Variants in TMPRSS11D observed in about 807,000 individuals in gnomAD.
TMPRSS11D encodes transmembrane serine protease 11D, also known as transmembrane protease serine 11D.
In TMPRSS11D, 32 loss-of-function variants were observed where a neutral mutation model predicts 44.4. The ratio of observed to expected loss-of-function variants is 0.72; its 90% CI spans 0.54 to 0.97. The LOEUF is 0.97. TMPRSS11D is among the 50% of genes least tolerant of loss of function. The probability of loss-of-function intolerance (pLI) is 0.00; values close to 1 mark genes in which losing one functional copy is unlikely to be tolerated. For synonymous variants in TMPRSS11D, 179 were observed against 177.9 expected (o/e 1.01, Z -0.05); for missense variants, 446 against 502.6 (o/e 0.89, Z 1.08).
At chr4:67,856,656 T>G (rs1329348107) in intron 2 of TMPRSS11D, among the ~76,000 whole-genome samples, 1 of 151,986 alleles carries the variant, frequency 6.6e-6, no homozygotes, top group Non-Finnish European at 1.5e-5. Context: ...CTAAAAAGCT[T>G]CTGCACAGCA....
chr4:67,854,797 G>A (rs1459736692), intron 2 of TMPRSS11D, among the ~76,000 whole-genome samples: 1 of 152,128 alleles, frequency 6.6e-6, no homozygotes, highest in African/African-American at 2.4e-5. Flanking sequence ...ATAAATAAAT[G>A]TCCAGGACCA....
intron 4 of TMPRSS11D, among the ~76,000 whole-genome samples, chr4:67,838,666 A>G (rs1249034718): frequency 6.6e-6 from 1 of 152,098 alleles, no homozygotes; most frequent in Non-Finnish European, 1.5e-5. Flanking sequence ...TGAAGATTAG[A>G]TGAATCACTA....
intron 1 of TMPRSS11D, among the ~76,000 whole-genome samples, chr4:67,866,773 C>G (rs1006475289): frequency 1.3e-5 from 2 of 151,504 alleles, no homozygotes; most frequent in Non-Finnish European, 3.0e-5. Flanking sequence ...ATATATTTAA[C>G]CAAGGAAGTA....
chr4:67,882,048 T>C (rs1719331508), intron 1 of TMPRSS11D, among the ~76,000 whole-genome samples: 1 of 152,104 alleles, frequency 6.6e-6, no homozygotes, highest in Admixed American at 6.6e-5. Flanking sequence ...GTAACACAGC[T>C]GTTCAGGTTC....
intron 1 of TMPRSS11D, among the ~76,000 whole-genome samples, chr4:67,876,065 T>C (rs969325144): frequency 1.3e-5 from 2 of 152,190 alleles, no homozygotes; most frequent in Non-Finnish European, 2.9e-5. Flanking sequence ...CTCTCTTTCT[T>C]CTCTTTTTAT....
chr4:67,857,288 TA>T (rs1382284241), intron 2 of TMPRSS11D, among the ~76,000 whole-genome samples: 7 of 59,980 alleles, frequency 1.2e-4, no homozygotes, highest in Non-Finnish European at 2.4e-4. Context: ...TATATATATA[TA>T]TATATATATA....
intron 3 of TMPRSS11D, among the ~76,000 whole-genome samples, chr4:67,845,235 A>C (rs1490453088): frequency 6.6e-6 from 1 of 152,238 alleles, no homozygotes; most frequent in Admixed American, 6.5e-5. Context: ...GAAGAGGCCT[A>C]TGAATAAGAT....
At chr4:67,833,141 G>T (rs1033034590) in intron 7 of TMPRSS11D, 63 bp downstream of exon 7, 2 of 1,291,024 alleles carry the variant, frequency 1.5e-6, no homozygotes, top group Non-Finnish European at 2.0e-6. Flanking sequence ...AGGGTAGAGG[G>T]TGCAGTCTTC....
intron 1 of TMPRSS11D, among the ~76,000 whole-genome samples, chr4:67,868,419 C>CACT (rs2109697411): frequency 1.3e-5 from 2 of 152,270 alleles, no homozygotes; most frequent in East Asian, 3.9e-4. Context: ...AACAAAACTG[C>CACT]ACTACTACCC....
At chr4:67,823,578 A>C (rs1717705087) in intron 9 of TMPRSS11D, among the ~76,000 whole-genome samples, 1 of 152,140 alleles carries the variant, frequency 6.6e-6, no homozygotes, top group Non-Finnish European at 1.5e-5. Context: ...GTCAGTACTA[A>C]TAAAAGTCAG....
At chr4:67,851,341 A>C (rs1718504056) in intron 3 of TMPRSS11D, among the ~76,000 whole-genome samples, 1 of 152,222 alleles carries the variant, frequency 6.6e-6, no homozygotes, top group Non-Finnish European at 1.5e-5. Context: ...CCAGATCTCT[A>C]GGCATAATAA....
chr4:67,845,085 G>A (rs1394372738), intron 3 of TMPRSS11D, among the ~76,000 whole-genome samples: 1 of 152,124 alleles, frequency 6.6e-6, no homozygotes, highest in Non-Finnish European at 1.5e-5. Context: ...CGGCTAGACT[G>A]GACTAAAATG....
At chr4:67,882,971 T>G (rs1019454270) in intron 1 of TMPRSS11D, among the ~76,000 whole-genome samples, 1 of 152,064 alleles carries the variant, frequency 6.6e-6, no homozygotes, top group African/African-American at 2.4e-5. Context: ...TGAAATGATT[T>G]TATTTCTTCT....
chr4:67,828,657 T>C (rs749759193), intron 7 of TMPRSS11D, among the ~76,000 whole-genome samples: 4 of 152,170 alleles, frequency 2.6e-5, no homozygotes, highest in South Asian at 2.1e-4. Flanking sequence ...GAGCTTCCAA[T>C]AGAAATTTTA....
chr4:67,827,013 C>T (rs80284749), intron 8 of TMPRSS11D, among the ~76,000 whole-genome samples: 22 of 152,146 alleles, frequency 1.4e-4, no homozygotes, highest in Admixed American at 5.9e-4. Context: ...TTAAAGAACT[C>T]GTGTCTTCAT....
chr4:67,840,631 A>T (rs1329416003), intron 4 of TMPRSS11D, among the ~76,000 whole-genome samples: 1 of 152,204 alleles, frequency 6.6e-6, no homozygotes, highest in Non-Finnish European at 1.5e-5. Flanking sequence ...ATGGTCAATA[A>T]TAATTTAATT....
At chr4:67,858,539 C>G (rs1718713203) in intron 2 of TMPRSS11D, among the ~76,000 whole-genome samples, 1 of 152,114 alleles carries the variant, frequency 6.6e-6, no homozygotes, top group Non-Finnish European at 1.5e-5. Flanking sequence ...ATTGGTATTT[C>G]TAATGTTGGT....
At chr4:67,853,279 G>A (rs1279833217) in intron 3 of TMPRSS11D, among the ~76,000 whole-genome samples, 1 of 152,122 alleles carries the variant, frequency 6.6e-6, no homozygotes, top group Non-Finnish European at 1.5e-5. Context: ...TCATTGCAGT[G>A]GTTCAGAAAA....
intron 1 of TMPRSS11D, among the ~76,000 whole-genome samples, chr4:67,882,226 A>T (rs1000672866): frequency 2.0e-5 from 3 of 152,188 alleles, no homozygotes; most frequent in Non-Finnish European, 4.4e-5. Flanking sequence ...GTATTTCAGA[A>T]TTACCTGAAG....
Sources: allele counts gnomAD v4.1 joint callset (sites outside exome capture counted in the v4.1 genomes callset), GRCh38; gene constraint gnomAD v4.1.1; transcripts MANE v1.5; gene names NCBI Gene and HGNC (gene_info 2026-07-23, HGNC 2026-07-21).